Variants in IGFBP5 observed in about 807,000 individuals in gnomAD.
IGFBP5 encodes the protein insulin-like growth factor-binding protein 5.
In IGFBP5, 12 loss-of-function variants were observed where a neutral mutation model predicts 28.0. The observed-to-expected ratio is 0.43, with a 90% CI of 0.27 to 0.69. The LOEUF (loss-of-function observed/expected upper bound fraction) is 0.69, where lower values mean the gene tolerates loss of function less well. Among genes scored for constraint, IGFBP5 ranks in the 30% least tolerant of loss-of-function variants. IGFBP5 has a pLI of 0.20. For synonymous variants in IGFBP5, 152 were observed against 150.2 expected (o/e 1.01, Z -0.09); for missense variants, 344 against 381.6 (o/e 0.90, Z 0.82).
chr2:216,694,332 T>C lies in IGFBP5; in HGVS notation c.337+107A>G, dbSNP rs1340181327. ...GGACCCTCCCCGACTACTCCCGAGCTGCACCCCAGCTCGAAGCCACTTGCT... is the reference window on the plus strand; with the variant it reads ...GGACCCTCCCCGACTACTCCCGAGCCGCACCCCAGCTCGAAGCCACTTGCT... On this transcript the variant is annotated intron_variant, in intron 1 of 3. Transcript: ENST00000233813. The surrounding 1 kb of genome is among the most constrained non-coding windows in gnomAD (Gnocchi z 5.2). 2.2e-5 allele frequency: 21 copies of C among 941,356 alleles called. No homozygotes were observed. The highest frequency in any genetic ancestry group is 3.2e-5 in the Non-Finnish European group (21 of 662,076). The allele number at this position is 941,356 out of a possible 1,614,324, so 58.3% of individuals were successfully genotyped here. A position where few individuals can be genotyped will look rare whatever the true frequency, so the allele number is the denominator to read the frequency against.
At chr2:216,691,334 C>T (rs560816586) in intron 1 of IGFBP5, among the ~76,000 whole-genome samples, 1 of 152,204 alleles carries the variant, frequency 6.6e-6, no homozygotes, top group Non-Finnish European at 1.5e-5. Flanking sequence ...GAATGTCTCA[C>T]CAGCACAGAG....
At position 216,676,814 on chromosome 2, in the gene IGFBP5, T is replaced by C; in HGVS notation, c.756A>G (p.Pro252=). Residue 252 remains proline (P), a synonymous_variant, in exon 4 of 4, where the codon CCA becomes CCG. Transcript: ENST00000233813. ...AGTCCCCGTCAACGTACTCCATGCC[T>C]GGCAGCTTCATCCCGTACTTGTCCA... ...WCVDKYGMKL[P]GMEYVDGDFQ... 6.2e-7 allele frequency: 1 copy of C among 1,614,044 alleles called. No homozygotes were observed. The highest frequency in any genetic ancestry group is 8.5e-7 in the Non-Finnish European group (1 of 1,179,966).
At chr2:216,687,728 TG>T (rs1393331907) in intron 1 of IGFBP5, among the ~76,000 whole-genome samples, 1 of 152,190 alleles carries the variant, frequency 6.6e-6, no homozygotes, top group African/African-American at 2.4e-5. Flanking sequence ...GAGCAGCCTC[TG>T]GAGGAAGCAC....
Position 216,694,724 on chromosome 2 carries a change from C to G in IGFBP5, c.52G>C (p.Ala18Pro). The G allele has an allele frequency of 2.0e-6, 3 of 1,464,582 alleles. No individual in the cohort carries two copies. Among genetic ancestry groups the G allele is most frequent in the Middle Eastern group, 3.6e-4 (2 of 5,490 alleles). The allele number at this position is 1,464,582 out of a possible 1,614,324, so 90.7% of individuals were successfully genotyped here. The stretch of plus-strand genomic sequence containing the variant: ...TGCACGAAGGAGCCCAGGCTCTGGG[C>G]CGGCCCCGCATAGGCGGCCAGCAGC... The part of the protein sequence containing the change: ...LLLLAAYAGP[A>P]QSLGSFVHCE... Residue 18 changes from alanine to proline, a missense_variant, in exon 1 of 4, where the codon GCC (alanine) becomes CCC (proline). Around this residue, in one of 3 missense-constraint regions of IGFBP5, gnomAD observed 304 missense variants for 329.2 expected, o/e 0.92. Transcript: ENST00000233813. The surrounding 1 kb of genome is among the most constrained non-coding windows in gnomAD (Gnocchi z 5.2).
At chr2:216,680,398 G>A (rs1467075655) in intron 1 of IGFBP5, among the ~76,000 whole-genome samples, 1 of 152,188 alleles carries the variant, frequency 6.6e-6, no homozygotes, top group African/African-American at 2.4e-5. Context: ...CAGGAAGTGG[G>A]GGTGGGGTGC....
intron 1 of IGFBP5, among the ~76,000 whole-genome samples, chr2:216,689,977 A>G (rs1216687806): frequency 6.7e-6 from 1 of 150,346 alleles, no homozygotes. Flanking sequence ...ATTTTTTAAA[A>G]AGAGAGAGAG....
At chr2:216,678,066 C>T in intron 3 of IGFBP5, 46 bp downstream of exon 3, 1 of 1,373,818 alleles carries the variant, frequency 7.3e-7, no homozygotes. Context: ...TGGCAGGTGC[C>T]ATTTTTGGAG....
At chr2:216,684,991 T>C (rs1036791905) in intron 1 of IGFBP5, among the ~76,000 whole-genome samples, 4 of 152,272 alleles carry the variant, frequency 2.6e-5, no homozygotes, top group Non-Finnish European at 5.9e-5. Flanking sequence ...TATATATTAA[T>C]GTACTACTTA....
rs754004073 is a variant in IGFBP5 at position 216,678,108 on chromosome 2, G to A, written c.687+4C>T. ...GAGCCTGGAGCTCAGGGCAGGGGAC[G>A]TACCTGCTTTCTCTTGTAGAATCCT... is the stretch of plus-strand genomic sequence containing the variant. On this transcript the variant is annotated splice_donor_region_variant and intron_variant, in intron 3 of 3. Transcript: ENST00000233813. 1.3e-5 allele frequency: 20 copies of A among 1,503,912 alleles called. No individual in the cohort carries two copies. The highest frequency in any genetic ancestry group is 1.8e-4 in the Middle Eastern group (1 of 5,618). 93.2% of individuals were successfully genotyped at this position (1,503,912 alleles called of 1,614,324 possible). A position where few individuals can be genotyped will look rare whatever the true frequency, so the allele number is the denominator to read the frequency against.
chr2:216,691,967 G>A (rs1689103513), intron 1 of IGFBP5, among the ~76,000 whole-genome samples: 1 of 151,200 alleles, frequency 6.6e-6, no homozygotes, highest in Non-Finnish European at 1.5e-5. Context: ...GGTAGGAGGT[G>A]TGTTGGGAAG....
chr2:216,676,926 A>T (rs746919205), intron 3 of IGFBP5, 44 bp from the exon 4 acceptor site: 1 of 1,605,104 alleles, frequency 6.2e-7, no homozygotes, highest in East Asian at 2.2e-5. Flanking sequence ...GCCGCACCCC[A>T]GGGCTCTGCT....
Position 216,694,109 on chromosome 2 carries a change from C to T in IGFBP5, c.337+330G>A, listed in dbSNP as rs2106227798. Among the ~76,000 whole-genome samples the T allele has an allele frequency of 6.6e-6, 1 of 151,526 alleles. No homozygotes were observed. The highest frequency in any genetic ancestry group is 2.4e-5 in the African/African-American group (1 of 41,198). ...GTTGATAATGTAACATACACTCTTT[C>T]AGACTGTAGATAGGGTACCAGGGGA... On this transcript the variant is annotated intron_variant, in intron 1 of 3. Coordinates refer to ENST00000233813, the MANE Select transcript of IGFBP5 (RefSeq NM_000599.4). The surrounding 1 kb of genome is among the most constrained non-coding windows in gnomAD (Gnocchi z 5.2).
At chr2:216,682,539 C>A (rs928760468) in intron 1 of IGFBP5, among the ~76,000 whole-genome samples, 28 of 152,264 alleles carry the variant, frequency 1.8e-4, no homozygotes, top group African/African-American at 6.7e-4. Context: ...AGGCAGGATA[C>A]CCGGGAGGAC....
rs963360843 is a variant in IGFBP5 at position 216,678,903 on chromosome 2, T to G, written c.514A>C (p.Thr172Pro). The stretch of plus-strand genomic sequence containing the variant: ...GCAGAGATGATCCGGGGGTGGGCAG[T>G]GTTCTCGGCTCCCCCGACAAACTTG... Reference protein sequence around the residue: ...QSKFVGGAENTAHPRIISAPE... With the variant: ...QSKFVGGAENPAHPRIISAPE... Residue 172 changes from threonine (T) to proline (P), a missense_variant, in exon 2 of 4, where the codon ACT (threonine) becomes CCT (proline). Coordinates refer to ENST00000233813, the MANE Select transcript of IGFBP5 (RefSeq NM_000599.4). 36 of 1,614,072 alleles carry G rather than the reference T, an allele frequency of 2.2e-5. No homozygotes were observed. The highest frequency in any genetic ancestry group is 2.5e-5 in the Non-Finnish European group (30 of 1,180,046).
In IGFBP5 at chr2:216,692,272, T is replaced by C. The variant is rs931833896; in HGVS notation, c.337+2167A>G. 4.6e-5 allele frequency among the ~76,000 whole-genome samples: 7 copies of C among 151,884 alleles called. No homozygotes were observed. The highest frequency in any genetic ancestry group is 8.8e-5 in the Non-Finnish European group (6 of 67,962). On this transcript the variant is annotated intron_variant, in intron 1 of 3. Coordinates refer to ENST00000233813, the MANE Select transcript of IGFBP5 (RefSeq NM_000599.4). The surrounding 1 kb of genome is among the most constrained non-coding windows in gnomAD (Gnocchi z 4.2). ...GGAGGGGGCGGGTAGAAGAGGCGGCTTCGGGTTGGCCCAAAGGCACTCAGA... is the reference window on the plus strand; with the variant it reads ...GGAGGGGGCGGGTAGAAGAGGCGGCCTCGGGTTGGCCCAAAGGCACTCAGA...
chr2:216,684,158 A>G (rs1336323242), intron 1 of IGFBP5, among the ~76,000 whole-genome samples: 3 of 152,210 alleles, frequency 2.0e-5, no homozygotes, highest in Non-Finnish European at 4.4e-5. Flanking sequence ...CAACGCATGT[A>G]CCCTGCCCAA....
At chr2:216,691,697 C>T (rs1689097725) in intron 1 of IGFBP5, among the ~76,000 whole-genome samples, 1 of 152,042 alleles carries the variant, frequency 6.6e-6, no homozygotes, top group East Asian at 1.9e-4. Context: ...TGGCTGCCTG[C>T]CACCTCACTC....
At chr2:216,682,901 G>T (rs10932671) in intron 1 of IGFBP5, among the ~76,000 whole-genome samples, 8,998 of 152,052 alleles carry the variant, frequency 0.059, 425 homozygotes, top group African/African-American at 0.13. Flanking sequence ...GTAGAGATGG[G>T]GTTTCACCGT....
chr2:216,686,163 C>T (rs577017005), intron 1 of IGFBP5, among the ~76,000 whole-genome samples: 3 of 152,204 alleles, frequency 2.0e-5, no homozygotes, highest in East Asian at 1.9e-4. Context: ...CATTTTAGGC[C>T]GGGAGAAATA....
Sources: gnomAD v4.1 joint callset for allele counts (sites outside exome capture counted in the v4.1 genomes callset) on GRCh38, gnomAD v4.1.1 for gene constraint, gnomAD v4.1.1 regional missense constraint, Gnocchi (gnomAD v3.1) non-coding constraint, MANE v1.5 for transcripts, NCBI Gene and HGNC (gene_info 2026-07-23, HGNC 2026-07-21) for gene names.